The following NAV3 variants were observed in gnomAD, a reference collection of about 807,000 sequenced individuals.
NAV3 encodes the protein pore membrane and/or filament interacting like protein 1.
A neutral mutation model predicts 244.7 loss-of-function variants in NAV3; 87 were observed. The ratio of observed to expected loss-of-function variants is 0.36; its 90% CI spans 0.30 to 0.42. NAV3 has a LOEUF of 0.42. Ranked by LOEUF, NAV3 falls within the 20% of genes least tolerant of loss-of-function variation. The pLI, the probability that NAV3 is intolerant of heterozygous loss-of-function variation, is 1.00. For missense variants in NAV3, 2,663 were observed against 2,893.3 expected (o/e 0.92, Z 1.83); for synonymous variants, 1,126 against 1,042.2 (o/e 1.08, Z -1.55).
rs532058742 is a variant in NAV3, at chr12:78,158,392, A to AT, written c.4786-810dup. 8.5e-5 allele frequency among the ~76,000 whole-genome samples: 13 copies of AT among 152,288 alleles called. No individual in the cohort carries two copies. In the East Asian group the frequency reaches 2.3e-3, roughly 27 times the overall value. ...TAACATTTTGGGTTCAAGTTGTTGC[A>AT]TAAGGGCATGCAAATGGAAACTGGC... On this transcript the variant is annotated intron_variant, in intron 22 of 39. Transcript: ENST00000397909.
chr12:77,936,974 T>G (rs1011390742), intron 1 of NAV3, among the ~76,000 whole-genome samples: 4 of 152,178 alleles, frequency 2.6e-5, no homozygotes, highest in Admixed American at 6.6e-5. Flanking sequence ...TAAAATATAT[T>G]TACATGTTAC....
intron 24 of NAV3, among the ~76,000 whole-genome samples, chr12:78,170,590 C>A (rs1469473896): frequency 1.3e-5 from 2 of 151,740 alleles, no homozygotes; most frequent in African/African-American, 4.8e-5. Context: ...CATAATCTCT[C>A]TTCACCAGCT....
rs955726256 is a variant in NAV3 at position 78,134,002 on chromosome 12, C to A, written c.4442-3175C>A. ...TCATGCCTCCATGCATGATAACAAT[C>A]GCTCAGATTCATTTTTCATCTTGCC... On this transcript the variant is annotated intron_variant, in intron 18 of 39. Coordinates refer to ENST00000397909, the MANE Select transcript of NAV3 (RefSeq NM_001024383.2). 2.6e-5 allele frequency among the ~76,000 whole-genome samples: 4 copies of A among 152,132 alleles called. No individual in the cohort carries two copies. The South Asian group carries it at 8.3e-4, about 32-fold the overall frequency.
At chr12:77,764,609 G>T (rs1337239452) in intron 2 of NAV3, among the ~76,000 whole-genome samples, 1 of 152,092 alleles carries the variant, frequency 6.6e-6, no homozygotes, top group Non-Finnish European at 1.5e-5. Context: ...TTACTTCATA[G>T]GATTTTTCAA....
At chr12:77,994,165 T>G (rs1452404742) in intron 5 of NAV3, among the ~76,000 whole-genome samples, 1 of 152,254 alleles carries the variant, frequency 6.6e-6, no homozygotes, top group Non-Finnish European at 1.5e-5. Flanking sequence ...TAGTATTTGT[T>G]AAGTTGTTTA....
intron 2 of NAV3, among the ~76,000 whole-genome samples, chr12:77,670,296 G>T (rs1054211774): frequency 2.0e-5 from 3 of 151,904 alleles, no homozygotes; most frequent in African/African-American, 7.2e-5. Context: ...GATTGAAATG[G>T]TAATTAAAAA....
intron 1 of NAV3, among the ~76,000 whole-genome samples, chr12:77,882,652 G>A (rs1022590375): frequency 6.6e-6 from 1 of 152,004 alleles, no homozygotes; most frequent in Non-Finnish European, 1.5e-5. Flanking sequence ...CAACCTTAGA[G>A]CATAGGAGAA....
At chr12:78,019,717 T>C (rs1400427984) in intron 8 of NAV3, among the ~76,000 whole-genome samples, 2 of 151,864 alleles carry the variant, frequency 1.3e-5, no homozygotes, top group African/African-American at 2.4e-5. Flanking sequence ...GTGGCCACAG[T>C]AGAGAGAGGA....
intron 2 of NAV3, among the ~76,000 whole-genome samples, chr12:77,645,041 TA>T (rs1193947324): frequency 3.9e-5 from 6 of 152,004 alleles, no homozygotes; most frequent in East Asian, 1.9e-4. Flanking sequence ...AAAAACAGCT[TA>T]AAAAAAGGGA....
chr12:78,195,404 T>G (rs760216088), intron 34 of NAV3, among the ~76,000 whole-genome samples: 1 of 151,910 alleles, frequency 6.6e-6, no homozygotes, highest in Non-Finnish European at 1.5e-5. Flanking sequence ...ACCACTGTAC[T>G]CTGTTTTTCT....
intron 2 of NAV3, among the ~76,000 whole-genome samples, chr12:77,657,945 A>G (rs930115908): frequency 6.6e-6 from 1 of 152,218 alleles, no homozygotes; most frequent in African/African-American, 2.4e-5. Context: ...TTAGGTATTG[A>G]TGGGATGTAT....
intron 11 of NAV3, chr12:78,056,367 C>T (rs983478651): frequency 6.6e-6 from 1 of 152,092 alleles, no homozygotes; most frequent in Non-Finnish European, 1.5e-5. Flanking sequence ...CGTGAGAAGA[C>T]AAGAGGGCTG....
intron 12 of NAV3, among the ~76,000 whole-genome samples, chr12:78,103,082 T>C (rs7979142): frequency 0.18 from 27,392 of 152,160 alleles, 2,633 homozygotes; most frequent in Non-Finnish European, 0.22. Flanking sequence ...AATGGGTTTT[T>C]CTTTTCTACT....
rs571481513 is a variant in NAV3 at position 77,978,786 on chromosome 12, T to C, written c.671+10084T>C. Among the ~76,000 whole-genome samples, 4 of 152,110 alleles carry C rather than the reference T, an allele frequency of 2.6e-5. No homozygotes were observed. The South Asian group carries it at 8.3e-4, about 32-fold the overall frequency. On this transcript the variant is annotated intron_variant, in intron 5 of 39. Transcript: ENST00000397909. ...TTTCATAATCCCTTTTCTATGCTTC[T>C]ACTTCTGACCATCCCAAATGCCCCT... is the stretch of plus-strand genomic sequence containing the variant.
At chr12:78,103,520 A>G (rs1367878424) in intron 12 of NAV3, among the ~76,000 whole-genome samples, 1 of 152,116 alleles carries the variant, frequency 6.6e-6, no homozygotes, top group Non-Finnish European at 1.5e-5. Context: ...ACATTTTTGG[A>G]TATCTTTTCA....
At chr12:77,802,564 T>C (rs1396792947) in intron 2 of NAV3, among the ~76,000 whole-genome samples, 4 of 152,260 alleles carry the variant, frequency 2.6e-5, no homozygotes, top group Non-Finnish European at 4.4e-5. Flanking sequence ...CGAGTAATTA[T>C]TCTCTAGCAA....
At chr12:77,750,627 C>G (rs1868800753) in intron 2 of NAV3, among the ~76,000 whole-genome samples, 1 of 151,922 alleles carries the variant, frequency 6.6e-6, no homozygotes, top group East Asian at 1.9e-4. Context: ...ACATGACTGT[C>G]TTGTTTGGCT....
rs763781373 is a variant in NAV3 at position 78,175,307 on chromosome 12, T to A, written c.4983T>A (p.Asp1661Glu). ...GTGATACTCTCCCTCTATTGCTAGATCTTCGCATCAGAAGACAGCATTCCT... is the reference window on the plus strand; with the variant it reads ...GTGATACTCTCCCTCTATTGCTAGAACTTCGCATCAGAAGACAGCATTCCT... ...ALNGPDHPPKDLRIRRQHSSE... is the reference protein window; with the variant it reads ...ALNGPDHPPKELRIRRQHSSE... Residue 1661 changes from aspartate to glutamate, a missense_variant and splice_region_variant, in exon 25 of 40, where the codon GAT (aspartate) becomes GAA (glutamate). This residue lies in a region of NAV3 where 193 missense variants were observed against 200.7 expected (regional missense o/e 0.96). Transcript: ENST00000397909. 2 of 1,610,524 alleles carry A rather than the reference T, an allele frequency of 1.2e-6. No individual in the cohort carries two copies. Among genetic ancestry groups the A allele is most frequent in the East Asian group, 2.2e-5 (1 of 44,652 alleles).
intron 2 of NAV3, among the ~76,000 whole-genome samples, chr12:77,623,233 G>T (rs1871463148): frequency 6.6e-6 from 1 of 152,168 alleles, no homozygotes; most frequent in East Asian, 1.9e-4. Flanking sequence ...ATTAAAATTA[G>T]ATAAGATCAA....
Sources: allele counts gnomAD v4.1 joint callset (sites outside exome capture counted in the v4.1 genomes callset), GRCh38; gene constraint gnomAD v4.1.1; regional missense constraint gnomAD v4.1.1; transcripts MANE v1.5; gene names NCBI Gene and HGNC (gene_info 2026-07-23, HGNC 2026-07-21).